ATXN10: variants seen among roughly 807,000 people sequenced by gnomAD.
The protein encoded by ATXN10 is ataxin 10.
A neutral mutation model predicts 52.9 loss-of-function variants in ATXN10; 28 were observed. That is an observed-to-expected ratio of 0.53 (90% confidence interval 0.39 to 0.73). The LOEUF (loss-of-function observed/expected upper bound fraction) is 0.73, where lower values mean the gene tolerates loss of function less well. Ranked by LOEUF, ATXN10 falls within the 30% of genes least tolerant of loss-of-function variation. The probability of loss-of-function intolerance (pLI) is 0.00; values close to 1 mark genes in which losing one functional copy is unlikely to be tolerated. For missense variants in ATXN10, 565 were observed against 577.0 expected (o/e 0.98, Z 0.21); for synonymous variants, 226 against 221.5 (o/e 1.02, Z -0.18).
At chr22:45,726,252 A>G (rs1031612974) in intron 6 of ATXN10, among the ~76,000 whole-genome samples, 1 of 152,058 alleles carries the variant, frequency 6.6e-6, no homozygotes, top group Non-Finnish European at 1.5e-5. Context: ...CAATTCTTTG[A>G]ATGTCTGGTG....
At position 45,701,069 on chromosome 22, in the gene ATXN10, T is replaced by C. The variant is rs1923825380; in HGVS notation, c.488+691T>C. 6.6e-6 allele frequency among the ~76,000 whole-genome samples: 1 copy of C among 152,128 alleles called. No individual in the cohort carries two copies. Among genetic ancestry groups the C allele is most frequent in the African/African-American group, 2.4e-5 (1 of 41,408 alleles). On this transcript the variant is annotated intron_variant, in intron 4 of 11. Transcript: ENST00000252934. The surrounding 1 kb of genome is among the most constrained non-coding windows in gnomAD (Gnocchi z 4.2). ...AGTATACCTAGTAGGAAAGGCACAG[T>C]CTGGGAGTGGGAGACCTGGCTTTGA...
At position 45,845,209 on chromosome 22, in the gene ATXN10, CAATG is replaced by C. The variant is rs1459358048; in HGVS notation, c.*1539_*1542del. 1.3e-5 allele frequency: 2 copies of C among 152,130 alleles called. No homozygotes were observed. Among genetic ancestry groups the C allele is most frequent in the African/African-American group, 2.4e-5 (1 of 41,422 alleles). 9.4% of individuals were successfully genotyped at this position (152,130 alleles called of 1,614,324 possible). ...ATAGACACTTCTTTTTTTCCTGTCT[CAATG>C]GATGTGTGCACACCAGTGGAATCGC... On this transcript the variant is annotated 3_prime_UTR_variant, in exon 12 of 12. Transcript: ENST00000252934. The surrounding 1 kb of genome is among the most constrained non-coding windows in gnomAD (Gnocchi z 4.7).
intron 1 of ATXN10, among the ~76,000 whole-genome samples, chr22:45,685,108 TTC>T (rs1923083796): frequency 1.3e-5 from 2 of 151,912 alleles, no homozygotes; most frequent in South Asian, 4.1e-4. Flanking sequence ...TTTTTTTTTT[TTC>T]AGTAGGAGGT....
At chr22:45,707,198 A>G (rs967452379) in intron 5 of ATXN10, among the ~76,000 whole-genome samples, 1 of 152,120 alleles carries the variant, frequency 6.6e-6, no homozygotes, top group African/African-American at 2.4e-5. Context: ...TCAGTGTGTG[A>G]TTAGGCCACA....
At position 45,772,541 on chromosome 22, in the gene ATXN10, T is replaced by A. The variant is rs1402977435; in HGVS notation, c.1173+32003T>A. Among the ~76,000 whole-genome samples the A allele has an allele frequency of 6.6e-6, 1 of 152,262 alleles. No individual in the cohort carries two copies. Among genetic ancestry groups the A allele is most frequent in the Non-Finnish European group, 1.5e-5 (1 of 68,048 alleles). On this transcript the variant is annotated intron_variant, in intron 9 of 11. Coordinates refer to ENST00000252934, the MANE Select transcript of ATXN10 (RefSeq NM_013236.4). This position sits in a 1 kb window ranked among gnomAD's most constrained non-coding sequence, Gnocchi z 4.1. ...CCAACTTTATTTTAGTGATTTAATC[T>A]TCTTTACCCTTCCATGTAAATTTTA...
In ATXN10 at chr22:45,754,493, G is replaced by A. The variant is rs1313045722; in HGVS notation, c.1173+13955G>A. Among the ~76,000 whole-genome samples, 1 of 152,118 alleles carries A rather than the reference G, an allele frequency of 6.6e-6. No individual in the cohort carries two copies. The highest frequency in any genetic ancestry group is 1.5e-5 in the Non-Finnish European group (1 of 68,034). On this transcript the variant is annotated intron_variant, in intron 9 of 11. Transcript: ENST00000252934. This position sits in a 1 kb window ranked among gnomAD's most constrained non-coding sequence, Gnocchi z 5.4. ...TTTTATCTCATCCTCTTCAGAGCCTGTGCTTACTGTGTCATTCTGCCTCTC... is the reference window on the plus strand; with the variant it reads ...TTTTATCTCATCCTCTTCAGAGCCTATGCTTACTGTGTCATTCTGCCTCTC...
At chr22:45,765,020 G>A (rs1350917048) in intron 9 of ATXN10, among the ~76,000 whole-genome samples, 1 of 152,178 alleles carries the variant, frequency 6.6e-6, no homozygotes, top group African/African-American at 2.4e-5. Context: ...AGGATTATAT[G>A]ATAAACTTTC....
chr22:45,785,752 A>C (rs1927302288), intron 9 of ATXN10, among the ~76,000 whole-genome samples: 1 of 152,184 alleles, frequency 6.6e-6, no homozygotes, highest in Non-Finnish European at 1.5e-5. Flanking sequence ...AAGTCTGAGG[A>C]AGCCGCGAGG....
At position 45,681,477 on chromosome 22, in the gene ATXN10, CCTT is replaced by C. The variant is rs1207254349; in HGVS notation, c.117-8231_117-8229del. 6.6e-6 allele frequency among the ~76,000 whole-genome samples: 1 copy of C among 152,130 alleles called. No individual in the cohort carries two copies. The highest frequency in any genetic ancestry group is 1.9e-4 in the East Asian group (1 of 5,190). On this transcript the variant is annotated intron_variant, in intron 1 of 11. Coordinates refer to ENST00000252934, the MANE Select transcript of ATXN10 (RefSeq NM_013236.4). The surrounding 1 kb of genome is among the most constrained non-coding windows in gnomAD (Gnocchi z 4.2). ...TACTACCCCTTTTGTTTTTCATTCC[CCTT>C]CTTAATGTTCACATTCCCATCTTGA...
rs537023204 is a variant in ATXN10 at position 45,842,549 on chromosome 22, T to C, written c.1238-442T>C. Among the ~76,000 whole-genome samples, 1 of 152,356 alleles carries C rather than the reference T, an allele frequency of 6.6e-6. No individual in the cohort carries two copies. Among genetic ancestry groups the C allele is most frequent in the South Asian group, 2.1e-4 (1 of 4,832 alleles). On this transcript the variant is annotated intron_variant, in intron 10 of 11. Transcript: ENST00000252934. The surrounding 1 kb of genome is among the most constrained non-coding windows in gnomAD (Gnocchi z 4.8). Reference sequence around the variant, plus strand: ...ATTTTCCTGATTCTAACCTGACGTCTTTGTGACTGATTCTTTAGTGCTCTT... The same window carrying C: ...ATTTTCCTGATTCTAACCTGACGTCCTTGTGACTGATTCTTTAGTGCTCTT...
In ATXN10 at chr22:45,774,428, A is replaced by G. The variant is rs1926881959; in HGVS notation, c.1174-32531A>G. 6.6e-6 allele frequency among the ~76,000 whole-genome samples: 1 copy of G among 152,176 alleles called. No homozygotes were observed. On this transcript the variant is annotated intron_variant, in intron 9 of 11. Transcript: ENST00000252934. This position sits in a 1 kb window ranked among gnomAD's most constrained non-coding sequence, Gnocchi z 6.2. ...GAGAGCTCCAGGTCTCCTGTTCCTT[A>G]TGTTGGAAATGAAGTCTGCCTTACA... is the stretch of plus-strand genomic sequence containing the variant.
chr22:45,832,097 A>G (rs893820382), intron 10 of ATXN10, among the ~76,000 whole-genome samples: 1 of 152,124 alleles, frequency 6.6e-6, no homozygotes, highest in Non-Finnish European at 1.5e-5. Context: ...TATTCTCACC[A>G]TTATGGACTC....
Position 45,759,263 on chromosome 22 carries a change from A to G in ATXN10, c.1173+18725A>G, listed in dbSNP as rs1049082146. Among the ~76,000 whole-genome samples, 6 of 152,118 alleles carry G rather than the reference A, an allele frequency of 3.9e-5. No individual in the cohort carries two copies. The highest frequency in any genetic ancestry group is 7.2e-5 in the African/African-American group (3 of 41,436). ...ATGGTGGTTCACACCTGTAATCCCA[A>G]CACTTTGGGAGGCTGAGGTGGGCGG... On this transcript the variant is annotated intron_variant, in intron 9 of 11. Coordinates refer to ENST00000252934, the MANE Select transcript of ATXN10 (RefSeq NM_013236.4). The surrounding 1 kb of genome is among the most constrained non-coding windows in gnomAD (Gnocchi z 5.4).
chr22:45,695,272 C>T (rs949420445), intron 3 of ATXN10, among the ~76,000 whole-genome samples: 1 of 147,966 alleles, frequency 6.8e-6, no homozygotes, highest in Non-Finnish European at 1.5e-5. Flanking sequence ...TGCAGTGAGC[C>T]GAGATTGCCG....
rs1224888752 is a variant in ATXN10 at position 45,805,749 on chromosome 22, AGGAAAATGTT to A, written c.1174-1202_1174-1193del. Among the ~76,000 whole-genome samples the A allele has an allele frequency of 7.2e-5, 11 of 152,172 alleles. No homozygotes were observed. Among genetic ancestry groups the A allele is most frequent in the Non-Finnish European group, 1.6e-4 (11 of 68,034 alleles). ...GGGTGTGGAGTTTCTTTTAGGGGTG[AGGAAAATGTT>A]GGAAAATTGGATCATGCTAATGGTT... is the stretch of plus-strand genomic sequence containing the variant. On this transcript the variant is annotated intron_variant, in intron 9 of 11. Coordinates refer to ENST00000252934, the MANE Select transcript of ATXN10 (RefSeq NM_013236.4). The surrounding 1 kb of genome is among the most constrained non-coding windows in gnomAD (Gnocchi z 4.4).
rs575217322 is a variant in ATXN10 at position 45,820,536 on chromosome 22, G to A, written c.1237+13514G>A. Among the ~76,000 whole-genome samples the A allele has an allele frequency of 6.6e-6, 1 of 152,326 alleles. No individual in the cohort carries two copies. The highest frequency in any genetic ancestry group is 6.5e-5 in the Admixed American group (1 of 15,298). On this transcript the variant is annotated intron_variant, in intron 10 of 11. Transcript: ENST00000252934. The surrounding 1 kb of genome is among the most constrained non-coding windows in gnomAD (Gnocchi z 4.9). ...GTGAGATGGGGTGGCTGGAGGAAAA[G>A]GGAAGCCTCTGGCTGCTTTGGGCTT...
chr22:45,801,176 T>A (rs188470592), intron 9 of ATXN10, among the ~76,000 whole-genome samples: 54 of 152,342 alleles, frequency 3.5e-4, no homozygotes, highest in Non-Finnish European at 6.5e-4. Flanking sequence ...TCACCTTGGC[T>A]GTATGTTAGA....
intron 8 of ATXN10, 99 bp from the exon 9 acceptor site, chr22:45,740,259 TCTACCTTTAGC>T: frequency 9.6e-7 from 1 of 1,043,016 alleles, no homozygotes; most frequent in East Asian, 2.5e-5. Context: ...CTTTCTGTGC[TCTACCTTTAGC>T]CTATTACAAT....
At position 45,684,822 on chromosome 22, in the gene ATXN10, A is replaced by G. The variant is rs1378400576; in HGVS notation, c.117-4890A>G. Among the ~76,000 whole-genome samples, 2 of 152,232 alleles carry G rather than the reference A, an allele frequency of 1.3e-5. No individual in the cohort carries two copies. The highest frequency in any genetic ancestry group is 2.9e-5 in the Non-Finnish European group (2 of 68,044). Reference sequence around the variant, plus strand: ...TGCGCAGATTTCAAAATTTTACCCTAGGCTGTTTGTGGCAGGAGATACAGA... The same window carrying G: ...TGCGCAGATTTCAAAATTTTACCCTGGGCTGTTTGTGGCAGGAGATACAGA... On this transcript the variant is annotated intron_variant, in intron 1 of 11. Transcript: ENST00000252934. The surrounding 1 kb of genome is among the most constrained non-coding windows in gnomAD (Gnocchi z 4.1).
Sources: gnomAD v4.1 joint callset for allele counts (sites outside exome capture counted in the v4.1 genomes callset) on GRCh38, gnomAD v4.1.1 for gene constraint, Gnocchi (gnomAD v3.1) non-coding constraint, MANE v1.5 for transcripts, NCBI Gene and HGNC (gene_info 2026-07-23, HGNC 2026-07-21) for gene names.